Variants in WNT3A observed in about 807,000 individuals in gnomAD.
WNT3A encodes the protein Wnt family member 3A.
A neutral mutation model predicts 37.0 loss-of-function variants in WNT3A; 17 were observed. That is an observed-to-expected ratio of 0.46 (90% CI 0.31 to 0.69). The LOEUF is 0.69. Ranked by LOEUF, WNT3A falls within the 30% of genes least tolerant of loss-of-function variation. The probability of loss-of-function intolerance (pLI) is 0.05; values close to 1 mark genes in which losing one functional copy is unlikely to be tolerated. For missense variants in WNT3A, 411 were observed against 510.2 expected, an observed-to-expected ratio of 0.81 and a Z score of 1.87; for synonymous variants, 187 against 211.0, an observed-to-expected ratio of 0.89 and a Z score of 0.99.
intron 2 of WNT3A, among the ~76,000 whole-genome samples, chr1:228,047,313 G>C (rs527539904): frequency 6.6e-6 from 1 of 152,190 alleles, no homozygotes; most frequent in Non-Finnish European, 1.5e-5. Flanking sequence ...AAGCAGGCCC[G>C]AGGGGCTCAG....
At chr1:228,051,739 C>G (rs1409467510) in intron 3 of WNT3A, among the ~76,000 whole-genome samples, 1 of 152,168 alleles carries the variant, frequency 6.6e-6, no homozygotes, top group African/African-American at 2.4e-5. Flanking sequence ...TTAATTGGCT[C>G]ATGGATCTGC....
intron 2 of WNT3A, among the ~76,000 whole-genome samples, chr1:228,044,383 C>T (rs2102776126): frequency 6.6e-6 from 1 of 152,258 alleles, no homozygotes; most frequent in East Asian, 1.9e-4. Flanking sequence ...ATCAAGATCC[C>T]TTTTCTGTCC....
Position 228,038,781 on chromosome 1 carries a change from A to T in WNT3A, c.314-11875A>T, listed in dbSNP as rs2031205017. On this transcript the variant is annotated intron_variant, in intron 2 of 3. Coordinates refer to ENST00000284523, the MANE Select transcript of WNT3A (RefSeq NM_033131.4). The surrounding 1 kb of genome is among the most constrained non-coding windows in gnomAD (Gnocchi z 5.7). Reference sequence around the variant, plus strand: ...CCATCCCCCAGGATGCCTGAAGGCCAGTCCCTGGAGTACAGGGAGACTGCT... The same window carrying T: ...CCATCCCCCAGGATGCCTGAAGGCCTGTCCCTGGAGTACAGGGAGACTGCT... 6.6e-6 allele frequency among the ~76,000 whole-genome samples: 1 copy of T among 152,204 alleles called. No individual in the cohort carries two copies. Among genetic ancestry groups the T allele is most frequent in the African/African-American group, 2.4e-5 (1 of 41,446 alleles).
rs2031183645 is a variant in WNT3A, at chr1:228,037,924, G to A, written c.314-12732G>A. Reference sequence around the variant, plus strand: ...GCCTGGCGCGCGGCGCATACTTCCAGGTTGCTATGACTGGCCTGCGCTCGC... The same window carrying A: ...GCCTGGCGCGCGGCGCATACTTCCAAGTTGCTATGACTGGCCTGCGCTCGC... On this transcript the variant is annotated intron_variant, in intron 2 of 3. Coordinates refer to ENST00000284523, the MANE Select transcript of WNT3A (RefSeq NM_033131.4). This position sits in a 1 kb window ranked among gnomAD's most constrained non-coding sequence, Gnocchi z 4.1. Among the ~76,000 whole-genome samples, 1 of 152,334 alleles carries A rather than the reference G, an allele frequency of 6.6e-6. No homozygotes were observed. The highest frequency in any genetic ancestry group is 3.4e-3 in the Middle Eastern group (1 of 294).
At chr1:228,049,896 G>A (rs758172768) in intron 2 of WNT3A, among the ~76,000 whole-genome samples, 8 of 151,918 alleles carry the variant, frequency 5.3e-5, no homozygotes, top group Non-Finnish European at 1.0e-4. Flanking sequence ...TCCCACCTCC[G>A]CTTCCTGAAT....
At chr1:228,057,299 AAACT>A (rs888830857) in intron 3 of WNT3A, among the ~76,000 whole-genome samples, 24 of 152,260 alleles carry the variant, frequency 1.6e-4, no homozygotes, top group African/African-American at 5.5e-4. Flanking sequence ...TAAGGAGAGA[AAACT>A]AACTGCCACC....
At chr1:228,051,261 A>T (rs766854788) in intron 3 of WNT3A, among the ~76,000 whole-genome samples, 4 of 152,082 alleles carry the variant, frequency 2.6e-5, no homozygotes, top group Non-Finnish European at 5.9e-5. Context: ...AAATGCAGGC[A>T]CACAAGGTGA....
intron 2 of WNT3A, among the ~76,000 whole-genome samples, chr1:228,041,366 C>T (rs1034792): frequency 3.3e-5 from 5 of 151,914 alleles, no homozygotes; most frequent in Non-Finnish European, 7.4e-5. Flanking sequence ...TCACCTTCTC[C>T]GACTTTATCC....
In WNT3A at chr1:228,042,127, C is replaced by T. The variant is rs959156382; in HGVS notation, c.314-8529C>T. Among the ~76,000 whole-genome samples, 4 of 152,092 alleles carry T rather than the reference C, an allele frequency of 2.6e-5. No homozygotes were observed. The highest frequency in any genetic ancestry group is 9.7e-5 in the African/African-American group (4 of 41,404). On this transcript the variant is annotated intron_variant, in intron 2 of 3. Transcript: ENST00000284523. This position sits in a 1 kb window ranked among gnomAD's most constrained non-coding sequence, Gnocchi z 5.2. ...TTGAGTAGCTGGCACTACAGGTGCA[C>T]GCCACCATGCCCCGCTGATTTTTGT...
rs935815570 is a variant in WNT3A at position 228,037,154 on chromosome 1, T to C, written c.314-13502T>C. ...CACTTCCCAGAGCCCTGGGGTTTGC[T>C]TCTTCGTACCCAGTGTGGGTGGGGC... On this transcript the variant is annotated intron_variant, in intron 2 of 3. Coordinates refer to ENST00000284523, the MANE Select transcript of WNT3A (RefSeq NM_033131.4). The surrounding 1 kb of genome is among the most constrained non-coding windows in gnomAD (Gnocchi z 4.1). 2.6e-5 allele frequency among the ~76,000 whole-genome samples: 4 copies of C among 152,128 alleles called. No homozygotes were observed. The highest frequency in any genetic ancestry group is 5.9e-5 in the Non-Finnish European group (4 of 67,988).
chr1:228,046,434 G>A, intron 2 of WNT3A, among the ~76,000 whole-genome samples: 1 of 142,616 alleles, frequency 7.0e-6, no homozygotes, highest in East Asian at 2.1e-4. Context: ...GCATGCATAT[G>A]TATGTGTGTG....
intron 3 of WNT3A, among the ~76,000 whole-genome samples, chr1:228,053,371 AC>A: frequency 6.6e-6 from 1 of 152,372 alleles, no homozygotes; most frequent in East Asian, 1.9e-4. Context: ...AAACAATAAA[AC>A]TTTTACAAGA....
At position 228,044,235 on chromosome 1, in the gene WNT3A, T is replaced by A. The variant is rs1287760277; in HGVS notation, c.314-6421T>A. Among the ~76,000 whole-genome samples the A allele has an allele frequency of 2.0e-5, 3 of 152,216 alleles. No homozygotes were observed. In the East Asian group the frequency reaches 5.8e-4, roughly 29 times the overall value. The stretch of plus-strand genomic sequence containing the variant: ...ATTTTGAAATAATTTCAGACTTTCA[T>A]AAACATCGCAGGAGTGGCACTGAGA... On this transcript the variant is annotated intron_variant, in intron 2 of 3. Coordinates refer to ENST00000284523, the MANE Select transcript of WNT3A (RefSeq NM_033131.4).
chr1:228,026,300 T>G (rs998700489), intron 2 of WNT3A, among the ~76,000 whole-genome samples: 14 of 152,164 alleles, frequency 9.2e-5, no homozygotes, highest in African/African-American at 2.9e-4. Flanking sequence ...TTATTTCTTT[T>G]TCTTTCCTGA....
chr1:228,019,978 C>A (rs946061788), intron 1 of WNT3A, among the ~76,000 whole-genome samples: 1 of 152,230 alleles, frequency 6.6e-6, no homozygotes, highest in African/African-American at 2.4e-5. Context: ...ATAATCCCAG[C>A]ACTTTGGGAG....
In WNT3A at chr1:228,046,148, G is replaced by C. The variant is rs190315500; in HGVS notation, c.314-4508G>C. 7.2e-3 allele frequency among the ~76,000 whole-genome samples: 1,090 copies of C among 152,384 alleles called. 4 individuals carry two copies. Among genetic ancestry groups the C allele is most frequent in the Non-Finnish European group, 0.012 (823 of 68,032 alleles). On this transcript the variant is annotated intron_variant, in intron 2 of 3. Coordinates refer to ENST00000284523, the MANE Select transcript of WNT3A (RefSeq NM_033131.4). Reference sequence around the variant, plus strand: ...AAGGGCTGAGTGCGGCCTGAGGCCAGGGAGTGGCATTGAGGTCAGGAGAGG... The same window carrying C: ...AAGGGCTGAGTGCGGCCTGAGGCCACGGAGTGGCATTGAGGTCAGGAGAGG...
rs568858784 is a variant in WNT3A at position 228,021,974 on chromosome 1, GGAC to G, written c.72-689_72-687del. ...CTGCATCATTTCCTGTTACAGATCTGGACGACTTGAATTCTGAGCTGAGTTTTG... is the reference window on the plus strand; with the variant it reads ...CTGCATCATTTCCTGTTACAGATCTGGACTTGAATTCTGAGCTGAGTTTTG... On this transcript the variant is annotated intron_variant, in intron 1 of 3. Transcript: ENST00000284523. Among the ~76,000 whole-genome samples the G allele has an allele frequency of 7.9e-5, 12 of 152,342 alleles. No homozygotes were observed. In the South Asian group the frequency reaches 2.5e-3, roughly 32 times the overall value.
At position 228,007,373 on chromosome 1, in the gene WNT3A, G is replaced by T. The variant is rs181591169; in HGVS notation, c.71+174G>T. 6.6e-6 allele frequency among the ~76,000 whole-genome samples: 1 copy of T among 152,284 alleles called. No individual in the cohort carries two copies. Among genetic ancestry groups the T allele is most frequent in the East Asian group, 1.9e-4 (1 of 5,136 alleles). On this transcript the variant is annotated intron_variant, in intron 1 of 3. Coordinates refer to ENST00000284523, the MANE Select transcript of WNT3A (RefSeq NM_033131.4). This position sits in a 1 kb window ranked among gnomAD's most constrained non-coding sequence, Gnocchi z 6.0. ...CGGCCACTTTGGACCTGTTCAGGCC[G>T]CTGGGACGCGTGGGTGGCGGAGTTT... is the stretch of plus-strand genomic sequence containing the variant.
At position 228,007,235 on chromosome 1, in the gene WNT3A, T is replaced by A. The variant is rs751107565; in HGVS notation, c.71+36T>A. The A allele has an allele frequency of 6.3e-7, 1 of 1,579,304 alleles. No individual in the cohort carries two copies. Among genetic ancestry groups the A allele is most frequent in the Non-Finnish European group, 8.6e-7 (1 of 1,162,526 alleles). On this transcript the variant is annotated intron_variant, in intron 1 of 3. Transcript: ENST00000284523. The surrounding 1 kb of genome is among the most constrained non-coding windows in gnomAD (Gnocchi z 6.0). ...CTCCTCGCGTTCGCCCCTGCCCCTG[T>A]GCGCCGCGCCCGCAGCAGACGGTCC...
Sources: allele counts gnomAD v4.1 joint callset (sites outside exome capture counted in the v4.1 genomes callset), GRCh38; gene constraint gnomAD v4.1.1; non-coding constraint Gnocchi (gnomAD v3.1); transcripts MANE v1.5; gene names NCBI Gene and HGNC (gene_info 2026-07-23, HGNC 2026-07-21).